The following AZI2 variants were observed in gnomAD, a reference collection of about 807,000 sequenced individuals.
The protein encoded by AZI2 is 5-azacytidine induced 2.
In AZI2, 22 loss-of-function variants were observed where a neutral mutation model predicts 45.8. The ratio of observed to expected loss-of-function variants is 0.48; its 90% CI spans 0.34 to 0.69. The LOEUF is 0.69. AZI2 is among the 30% of genes least tolerant of loss of function. The pLI is 0.01. For synonymous variants in AZI2, 137 were observed against 156.7 expected (o/e 0.87, Z 0.94); for missense variants, 417 against 441.5 (o/e 0.94, Z 0.50).
intron 4 of AZI2, among the ~76,000 whole-genome samples, chr3:28,337,568 C>T (rs957265029): frequency 2.5e-4 from 38 of 152,284 alleles, no homozygotes; most frequent in African/African-American, 8.4e-4. Flanking sequence ...GTAACAACTT[C>T]ACAGCAGTGT....
At chr3:28,345,970 C>T (rs1340493652) in intron 1 of AZI2, among the ~76,000 whole-genome samples, 1 of 152,088 alleles carries the variant, frequency 6.6e-6, no homozygotes. Flanking sequence ...CTTTCACATG[C>T]ATTTTTCTAC....
At position 28,324,449 on chromosome 3, in the gene AZI2, C is replaced by T. The variant is rs749672598; in HGVS notation, c.772G>A (p.Ala258Thr). The change falls in exon 8 of 8, where the codon GCC (alanine) becomes ACC (threonine). Residue 258 changes from alanine to threonine, a missense_variant. Coordinates refer to ENST00000479665, the MANE Select transcript of AZI2 (RefSeq NM_022461.5). The part of the protein sequence containing the change: ...KTSTAIKKAC[A>T]PVGCSEDLGR... ...AGGTCTTCACTGCATCCTACAGGGG[C>T]ACAGGCTAAAAAGAAAACACAGACT... The T allele has an allele frequency of 4.1e-6, 6 of 1,468,050 alleles. No homozygotes were observed. Among genetic ancestry groups the T allele is most frequent in the Non-Finnish European group, 5.4e-6 (6 of 1,104,762 alleles). The allele number at this position is 1,468,050 out of a possible 1,614,324, so 90.9% of individuals were successfully genotyped here.
At position 28,332,394 on chromosome 3, in the gene AZI2, C is replaced by T; in HGVS notation, c.622G>A (p.Asp208Asn). ...PYQEDNLKSR[D>N]LQKLSISSDN... ...CTTGAAATGCTTAGTTTTTGGAGAT[C>T]TCTGCTCTTCAGATTGTCTTCCTGA... The change falls in exon 6 of 8, where the codon GAT becomes AAT. Residue 208 changes from aspartate to asparagine, a missense_variant. Transcript: ENST00000479665. 6.2e-7 allele frequency: 1 copy of T among 1,608,692 alleles called. No homozygotes were observed. The highest frequency in any genetic ancestry group is 8.5e-7 in the Non-Finnish European group (1 of 1,176,328).
rs543475160 is a variant in AZI2 at position 28,322,882 on chromosome 3, A to G, written c.*1160T>C. ...TGAAACTGTCTATCAAAAAGGATAA[A>G]AGTCCTCCTACATGAAATACTTTAA... On this transcript the variant is annotated 3_prime_UTR_variant, in exon 8 of 8. Coordinates refer to ENST00000479665, the MANE Select transcript of AZI2 (RefSeq NM_022461.5). 4 of 151,290 alleles carry G rather than the reference A, an allele frequency of 2.6e-5. 1 individual carries two copies. The highest frequency in any genetic ancestry group is 9.7e-5 in the African/African-American group (4 of 41,438). The allele number at this position is 151,290 out of a possible 1,614,324, so 9.4% of individuals were successfully genotyped here.
At chr3:28,338,288 T>G (rs564202081) in intron 3 of AZI2, among the ~76,000 whole-genome samples, 1 of 152,070 alleles carries the variant, frequency 6.6e-6, no homozygotes, top group South Asian at 2.1e-4. Flanking sequence ...GTGTTAGATG[T>G]ATTTAAGTCC....
At chr3:28,344,831 A>C (rs930829975) in intron 1 of AZI2, among the ~76,000 whole-genome samples, 1 of 152,150 alleles carries the variant, frequency 6.6e-6, no homozygotes, top group Admixed American at 6.5e-5. Context: ...TGTTATCAAA[A>C]ATTAAAATTA....
intron 1 of AZI2, among the ~76,000 whole-genome samples, chr3:28,346,905 T>C (rs1339689374): frequency 6.6e-6 from 1 of 152,150 alleles, no homozygotes; most frequent in Non-Finnish European, 1.5e-5. Flanking sequence ...CAACATTAGA[T>C]ATACAATATG....
At chr3:28,344,065 A>T (rs1347673343) in intron 1 of AZI2, among the ~76,000 whole-genome samples, 4 of 152,030 alleles carry the variant, frequency 2.6e-5, no homozygotes, top group Non-Finnish European at 5.9e-5. Flanking sequence ...CACTATAAAC[A>T]TTACTTAGAA....
intron 1 of AZI2, chr3:28,341,386 C>T (rs893393330): frequency 6.6e-6 from 1 of 152,092 alleles, no homozygotes; most frequent in African/African-American, 2.4e-5. Context: ...TTTTGCCCAT[C>T]ATTTGTGTCC....
chr3:28,332,450 A>C, intron 5 of AZI2, 23 bp from the exon 6 acceptor site: 1 of 1,588,228 alleles, frequency 6.3e-7, no homozygotes, highest in Non-Finnish European at 8.6e-7. Context: ...TAAAAAAAAG[A>C]AGTTTAAAAG....
intron 5 of AZI2, among the ~76,000 whole-genome samples, 156 bp downstream of exon 5, chr3:28,336,581 A>G (rs1256779954): frequency 6.6e-6 from 1 of 152,122 alleles, no homozygotes; most frequent in Non-Finnish European, 1.5e-5. Flanking sequence ...AGAAATGCTT[A>G]AAGAGGTAGA....
chr3:28,336,935 C>T (rs1703816593), intron 4 of AZI2, 50 bp from the exon 5 acceptor site: 1 of 1,562,940 alleles, frequency 6.4e-7, no homozygotes, highest in Non-Finnish European at 8.7e-7. Flanking sequence ...TCTACATTGA[C>T]TGCAATTCTT....
At chr3:28,332,618 C>A (rs1703626890) in intron 5 of AZI2, among the ~76,000 whole-genome samples, 191 bp from the exon 6 acceptor site, 2 of 151,558 alleles carry the variant, frequency 1.3e-5, no homozygotes, top group South Asian at 4.1e-4. Flanking sequence ...TAAATCACGT[C>A]CAATGGTTTA....
intron 5 of AZI2, among the ~76,000 whole-genome samples, chr3:28,335,267 T>C (rs138663659): frequency 0.015 from 2,223 of 152,084 alleles, 53 homozygotes; most frequent in African/African-American, 0.05. Context: ...ACAAAATATC[T>C]ATCACGTATA....
chr3:28,326,549 C>A, intron 7 of AZI2: 2 of 218,204 alleles, frequency 9.2e-6, no homozygotes, highest in African/African-American at 2.4e-5. Flanking sequence ...CTAGAGCAAA[C>A]TTAACACCTC....
chr3:28,326,066 A>G (rs1050158776), intron 7 of AZI2, among the ~76,000 whole-genome samples: 2 of 151,154 alleles, frequency 1.3e-5, no homozygotes, highest in Non-Finnish European at 3.0e-5. Flanking sequence ...AATCTTTTAT[A>G]AAAAGTCCTA....
rs1559454589 is a variant in AZI2 at position 28,324,199 on chromosome 3, C to T, written c.1022G>A (p.Arg341Lys). The T allele has an allele frequency of 3.1e-6, 5 of 1,610,674 alleles. No individual in the cohort carries two copies. Among genetic ancestry groups the T allele is most frequent in the Non-Finnish European group, 4.2e-6 (5 of 1,177,618 alleles). ...CCAGGAATTGTCTTCCAGAGAATTT[C>T]TGCCATAAGAACTGTGTTCCTGAAA... ...TCFQEHSSYG[R>K]NSLEDNSWVF... The change falls in exon 8 of 8, where the codon AGA becomes AAA. Residue 341 changes from arginine (R) to lysine (K), a missense_variant. By Grantham distance (26) the Arg-to-Lys change is conservative. Transcript: ENST00000479665.
At chr3:28,341,904 G>A (rs1318763730) in intron 1 of AZI2, among the ~76,000 whole-genome samples, 2 of 151,996 alleles carry the variant, frequency 1.3e-5, no homozygotes, top group African/African-American at 4.8e-5. Context: ...ACTGAGGTAG[G>A]AGGAATTTAA....
intron 1 of AZI2, among the ~76,000 whole-genome samples, chr3:28,346,263 C>T (rs1300409487): frequency 3.9e-5 from 6 of 152,052 alleles, no homozygotes; most frequent in African/African-American, 1.2e-4. Flanking sequence ...TTCGCTTTAC[C>T]TCTCTAGATC....
Sources: allele counts gnomAD v4.1 joint callset (sites outside exome capture counted in the v4.1 genomes callset), GRCh38; gene constraint gnomAD v4.1.1; transcripts MANE v1.5; gene names NCBI Gene and HGNC (gene_info 2026-07-23, HGNC 2026-07-21).